The following CLVS2 variants were observed in gnomAD, a reference collection of about 807,000 sequenced individuals.
CLVS2 encodes the protein clavesin-2.
Under a neutral mutation model 29.0 loss-of-function variants are expected in CLVS2, and 19 were observed. The observed-to-expected ratio is 0.66, with a 90% CI of 0.46 to 0.96. The LOEUF is 0.96. CLVS2 is among the 40% of genes least tolerant of loss of function. The pLI, the probability that CLVS2 is intolerant of heterozygous loss-of-function variation, is 0.00. For synonymous variants in CLVS2, 161 were observed against 151.3 expected (o/e 1.06, Z -0.47); for missense variants, 294 against 404.1 (o/e 0.73, Z 2.34).
intron 3 of CLVS2, among the ~76,000 whole-genome samples, chr6:123,013,231 A>G (rs1473670905): frequency 6.6e-6 from 1 of 152,040 alleles, no homozygotes; most frequent in Non-Finnish European, 1.5e-5. Flanking sequence ...CAGAATATGA[A>G]TAAACATTTT....
chr6:123,042,516 T>A (rs1048794776), intron 3 of CLVS2, among the ~76,000 whole-genome samples: 4 of 152,148 alleles, frequency 2.6e-5, no homozygotes, highest in Non-Finnish European at 5.9e-5. Context: ...ATGTGTACAA[T>A]CCCAATTTAA....
intron 4 of CLVS2, among the ~76,000 whole-genome samples, chr6:123,052,326 C>T (rs961176950): frequency 6.6e-6 from 1 of 152,032 alleles, no homozygotes; most frequent in African/African-American, 2.4e-5. Context: ...AATCTCCAGA[C>T]AGAAGAAATA....
At position 123,057,783 on chromosome 6, in the gene CLVS2, T is replaced by G. The variant is rs78066564; in HGVS notation, c.896+1757T>G. ...AATTTTCCCTGCTCTAATTTTCCACTAGTTAGCAAGCTTATATTTAAACCA... is the reference window on the plus strand; with the variant it reads ...AATTTTCCCTGCTCTAATTTTCCACGAGTTAGCAAGCTTATATTTAAACCA... On this transcript the variant is annotated intron_variant, in intron 5 of 5. Transcript: ENST00000275162. 5.4e-3 allele frequency among the ~76,000 whole-genome samples: 828 copies of G among 152,276 alleles called. 7 individuals carry two copies. Among genetic ancestry groups the G allele is most frequent in the East Asian group, 0.012 (63 of 5,182 alleles).
In CLVS2 at chr6:123,070,614, G is replaced by T. The variant is rs1027300850; in HGVS notation, c.*6853G>T. The stretch of plus-strand genomic sequence containing the variant: ...CCGATGTCTTTATATCAGTGTATGA[G>T]AAGTCTTGATATGAAGGCAGTAAGC... On this transcript the variant is annotated 3_prime_UTR_variant, in exon 6 of 6. Coordinates refer to ENST00000275162, the MANE Select transcript of CLVS2 (RefSeq NM_001010852.4). 5 of 151,942 alleles carry T rather than the reference G, an allele frequency of 3.3e-5. No individual in the cohort carries two copies. Among genetic ancestry groups the T allele is most frequent in the African/African-American group, 1.2e-4 (5 of 41,402 alleles). 9.4% of individuals were successfully genotyped at this position (151,942 alleles called of 1,614,324 possible).
rs1255623558 is a variant in CLVS2, at chr6:123,072,106, CT to C, written c.*8349del. The C allele has an allele frequency of 6.6e-6, 1 of 152,016 alleles. No individual in the cohort carries two copies. Among genetic ancestry groups the C allele is most frequent in the Non-Finnish European group, 1.5e-5 (1 of 67,942 alleles). The allele number at this position is 152,016 out of a possible 1,614,324, so 9.4% of individuals were successfully genotyped here. On this transcript the variant is annotated 3_prime_UTR_variant, in exon 6 of 6. Transcript: ENST00000275162. ...CTGATTTGTATCCTTTGCAGTTTAA[CT>C]TTTAATCCTTACCAAACATATGTTA...
In CLVS2 at chr6:122,997,716, C is replaced by G. The variant is rs1774531302; in HGVS notation, c.-62C>G. The G allele has an allele frequency of 1.3e-6, 2 of 1,549,198 alleles. No homozygotes were observed. The highest frequency in any genetic ancestry group is 3.6e-5 in the Admixed American group (2 of 56,182). On this transcript the variant is annotated 5_prime_UTR_variant, in exon 2 of 6. Coordinates refer to ENST00000275162, the MANE Select transcript of CLVS2 (RefSeq NM_001010852.4). ...GCTGGAGTCTGGTGGTGGCAAGGAC[C>G]AGGTTTGCTTTGGGACAGTCAACAA...
chr6:123,015,560 A>C (rs1416634283), intron 3 of CLVS2, among the ~76,000 whole-genome samples: 1 of 152,076 alleles, frequency 6.6e-6, no homozygotes, highest in Non-Finnish European at 1.5e-5. Flanking sequence ...TATTGTTTCC[A>C]GGCCTGTTTC....
chr6:123,054,277 G>A (rs145077279), intron 4 of CLVS2, among the ~76,000 whole-genome samples: 129 of 152,234 alleles, frequency 8.5e-4, no homozygotes, highest in Non-Finnish European at 1.7e-3. Flanking sequence ...GAACACAGGG[G>A]TGCACATGTG....
intron 2 of CLVS2, among the ~76,000 whole-genome samples, chr6:122,999,700 A>G (rs1774562192): frequency 6.6e-6 from 1 of 152,208 alleles, no homozygotes; most frequent in South Asian, 2.1e-4. Flanking sequence ...AATATTCTGT[A>G]TGTCAGATTG....
At chr6:123,033,489 G>A (rs1198078516) in intron 3 of CLVS2, among the ~76,000 whole-genome samples, 1 of 152,034 alleles carries the variant, frequency 6.6e-6, no homozygotes, top group Non-Finnish European at 1.5e-5. Context: ...AATGTTGCTG[G>A]AAGTAATTGG....
rs80002764 is a variant in CLVS2 at position 123,007,099 on chromosome 6, T to A, written c.390-3886T>A. Among the ~76,000 whole-genome samples the A allele has an allele frequency of 2.2e-3, 334 of 152,324 alleles. 1 individual carries two copies. Among genetic ancestry groups the A allele is most frequent in the African/African-American group, 7.8e-3 (323 of 41,572 alleles). Reference sequence around the variant, plus strand: ...TTTACATATATTATTTTGTTTCATTTTGTCCTCACAATAATTCTATGAAGT... The same window carrying A: ...TTTACATATATTATTTTGTTTCATTATGTCCTCACAATAATTCTATGAAGT... On this transcript the variant is annotated intron_variant, in intron 2 of 5. Transcript: ENST00000275162.
At chr6:123,041,111 C>G (rs180951268) in intron 3 of CLVS2, among the ~76,000 whole-genome samples, 2 of 151,986 alleles carry the variant, frequency 1.3e-5, no homozygotes, top group Admixed American at 1.3e-4. Context: ...AGAAATAATG[C>G]CCAAGTGAAA....
intron 2 of CLVS2, among the ~76,000 whole-genome samples, chr6:123,009,089 A>T (rs1344506607): frequency 6.6e-6 from 1 of 152,018 alleles, no homozygotes; most frequent in Non-Finnish European, 1.5e-5. Context: ...TCCAACCAAC[A>T]TTTACTGAAC....
At chr6:123,058,132 A>C (rs189010545) in intron 5 of CLVS2, among the ~76,000 whole-genome samples, 1 of 152,282 alleles carries the variant, frequency 6.6e-6, no homozygotes, top group East Asian at 1.9e-4. Flanking sequence ...GGTACTTTTC[A>C]TGAAGTAGGT....
chr6:123,069,038 A>T lies in CLVS2; in HGVS notation c.*5277A>T, dbSNP rs995788351. The stretch of plus-strand genomic sequence containing the variant: ...ATTGTGCTTAGCTATTTAAGTTAAG[A>T]TTCCTCAAGTTTGTGATATTTGTAT... On this transcript the variant is annotated 3_prime_UTR_variant, in exon 6 of 6. Coordinates refer to ENST00000275162, the MANE Select transcript of CLVS2 (RefSeq NM_001010852.4). 2 of 151,774 alleles carry T rather than the reference A, an allele frequency of 1.3e-5. No homozygotes were observed. The highest frequency in any genetic ancestry group is 1.3e-4 in the Admixed American group (2 of 15,180). The allele number at this position is 151,774 out of a possible 1,614,324, so 9.4% of individuals were successfully genotyped here.
At chr6:123,026,149 T>C (rs1479239190) in intron 3 of CLVS2, among the ~76,000 whole-genome samples, 2 of 152,124 alleles carry the variant, frequency 1.3e-5, no homozygotes, top group African/African-American at 2.4e-5. Context: ...TTATGCATAA[T>C]ATTAAGTGGA....
At chr6:123,017,356 A>T (rs1774852318) in intron 3 of CLVS2, among the ~76,000 whole-genome samples, 1 of 152,046 alleles carries the variant, frequency 6.6e-6, no homozygotes, top group South Asian at 2.1e-4. Flanking sequence ...GGCTGAAGCA[A>T]TGCCTATCTT....
At chr6:123,036,521 A>G (rs1438024539) in intron 3 of CLVS2, among the ~76,000 whole-genome samples, 2 of 152,178 alleles carry the variant, frequency 1.3e-5, no homozygotes, top group African/African-American at 2.4e-5. Context: ...AAAAGAGGGT[A>G]ATGATCCCAA....
intron 4 of CLVS2, among the ~76,000 whole-genome samples, chr6:123,048,965 A>G (rs865817748): frequency 3.3e-5 from 5 of 152,302 alleles, no homozygotes; most frequent in African/African-American, 7.2e-5. Flanking sequence ...ACATTTTAGC[A>G]TATTCACTGT....
Sources: allele counts gnomAD v4.1 joint callset (sites outside exome capture counted in the v4.1 genomes callset), GRCh38; gene constraint gnomAD v4.1.1; transcripts MANE v1.5; gene names NCBI Gene and HGNC (gene_info 2026-07-23, HGNC 2026-07-21).